Variants in NRP1 observed in about 807,000 individuals in gnomAD.
NRP1 encodes the protein neuropilin 1, also known as neuropilin-1.
In NRP1, 35 loss-of-function variants were observed where a neutral mutation model predicts 106.7. The ratio of observed to expected loss-of-function variants is 0.33; its 90% CI spans 0.25 to 0.43. The LOEUF (loss-of-function observed/expected upper bound fraction) is 0.43, where lower values mean the gene tolerates loss of function less well. Ranked by LOEUF, NRP1 falls within the 20% of genes least tolerant of loss-of-function variation. NRP1 has a pLI of 1.00. For missense variants in NRP1, 1,024 were observed against 1,170.4 expected, an observed-to-expected ratio of 0.87 and a Z score of 1.83; for synonymous variants, 437 against 417.9, an observed-to-expected ratio of 1.05 and a Z score of -0.56.
At chr10:33,252,117 AGGCACAAGT>A (rs1349004995) in intron 6 of NRP1, among the ~76,000 whole-genome samples, 1 of 152,186 alleles carries the variant, frequency 6.6e-6, no homozygotes, top group Non-Finnish European at 1.5e-5. Flanking sequence ...TGGGGGAAGA[AGGCACAAGT>A]GGCTGATCGT....
chr10:33,186,102 GAAACACTGGAA>G (rs1203263274), intron 14 of NRP1, 104 bp downstream of exon 14: 1 of 1,332,292 alleles, frequency 7.5e-7, no homozygotes, highest in Non-Finnish European at 1.0e-6. Flanking sequence ...TCAGGGTTGG[GAAACACTGGAA>G]ATAATTTCGG....
At chr10:33,304,800 C>T (rs1043965093) in intron 2 of NRP1, among the ~76,000 whole-genome samples, 6 of 152,228 alleles carry the variant, frequency 3.9e-5, no homozygotes, top group African/African-American at 2.4e-5. Flanking sequence ...CTGGCCACCC[C>T]TTGAAAGCTT....
At chr10:33,212,097 T>C (rs1231045006) in intron 9 of NRP1, 1 of 152,240 alleles carries the variant, frequency 6.6e-6, no homozygotes, top group Non-Finnish European at 1.5e-5. Context: ...GAGGTTGATT[T>C]GTTGGTTGAA....
chr10:33,269,713 C>A (rs749905446), intron 3 of NRP1, among the ~76,000 whole-genome samples: 1 of 152,132 alleles, frequency 6.6e-6, no homozygotes, highest in Non-Finnish European at 1.5e-5. Flanking sequence ...CTGGCACTAC[C>A]ACCTGAACTC....
intron 7 of NRP1, among the ~76,000 whole-genome samples, chr10:33,222,778 G>C (rs1028123903): frequency 1.3e-5 from 2 of 152,144 alleles, no homozygotes; most frequent in South Asian, 4.1e-4. Flanking sequence ...TCCTGCCTCC[G>C]TCTCCCAAAG....
At chr10:33,323,300 G>C (rs761335987) in intron 2 of NRP1, among the ~76,000 whole-genome samples, 2 of 151,838 alleles carry the variant, frequency 1.3e-5, no homozygotes, top group Non-Finnish European at 2.9e-5. Context: ...TTAAGTTAAA[G>C]AAGAAAAAAA....
intron 6 of NRP1, among the ~76,000 whole-genome samples, chr10:33,245,842 G>C (rs1841380046): frequency 6.6e-6 from 1 of 152,162 alleles, no homozygotes; most frequent in Non-Finnish European, 1.5e-5. Context: ...GTTTCAAATA[G>C]ACACTGGCAT....
At chr10:33,297,250 G>A (rs1845453833) in intron 2 of NRP1, among the ~76,000 whole-genome samples, 1 of 152,208 alleles carries the variant, frequency 6.6e-6, no homozygotes, top group South Asian at 2.1e-4. Context: ...GAACCTATGA[G>A]TTGGTAGTTT....
At chr10:33,316,780 A>G (rs1847071527) in intron 2 of NRP1, among the ~76,000 whole-genome samples, 2 of 152,244 alleles carry the variant, frequency 1.3e-5, no homozygotes, top group South Asian at 4.1e-4. Context: ...CAGGGCCAAG[A>G]AATGGCCAAT....
rs9299704 is a variant in NRP1, at chr10:33,188,910, AATATATAT to A, written c.2063-2430_2063-2423del. Among the ~76,000 whole-genome samples, 14 of 111,384 alleles carry A rather than the reference AATATATAT, an allele frequency of 1.3e-4. 1 individual carries two copies. The highest frequency in any genetic ancestry group is 3.2e-4 in the African/African-American group (8 of 24,716). The allele number at this position is 111,384 out of a possible 152,430, so 73.1% of individuals were successfully genotyped here. Reference sequence around the variant, plus strand: ...CCTAGGCAACAGAGACCCTGTCTTAAATATATATATATATATATATATATATAAATTAA... The same window carrying A: ...CCTAGGCAACAGAGACCCTGTCTTAAATATATATATATATATATAAATTAA... On this transcript the variant is annotated intron_variant, in intron 13 of 16. Transcript: ENST00000374867.
At chr10:33,296,303 G>T (rs1349168326) in intron 2 of NRP1, among the ~76,000 whole-genome samples, 2 of 152,144 alleles carry the variant, frequency 1.3e-5, no homozygotes. Flanking sequence ...AAGCCAGGTT[G>T]CCTCCCTAGT....
intron 2 of NRP1, among the ~76,000 whole-genome samples, chr10:33,327,393 A>G (rs1053771558): frequency 5.3e-5 from 8 of 152,168 alleles, no homozygotes; most frequent in Admixed American, 5.2e-4. Context: ...GCCAACAGAC[A>G]TATAATGAAG....
intron 13 of NRP1, among the ~76,000 whole-genome samples, chr10:33,189,486 C>G (rs532386523): frequency 6.6e-6 from 1 of 152,198 alleles, no homozygotes; most frequent in Non-Finnish European, 1.5e-5. Context: ...TGCTTCCCAA[C>G]CATGATCAGA....
intron 8 of NRP1, among the ~76,000 whole-genome samples, chr10:33,214,160 G>A (rs536911675): frequency 3.9e-5 from 6 of 152,252 alleles, no homozygotes; most frequent in South Asian, 2.1e-4. Context: ...TAAAGAGAAC[G>A]AATGCATACT....
At chr10:33,315,260 G>T (rs1002718249) in intron 2 of NRP1, among the ~76,000 whole-genome samples, 2 of 152,226 alleles carry the variant, frequency 1.3e-5, no homozygotes, top group African/African-American at 4.8e-5. Context: ...TTTAAAAATA[G>T]AGGTTTTTAG....
At chr10:33,327,939 T>C (rs1375031308) in intron 2 of NRP1, among the ~76,000 whole-genome samples, 1 of 152,140 alleles carries the variant, frequency 6.6e-6, no homozygotes, top group Admixed American at 6.5e-5. Flanking sequence ...TTTCCATGGA[T>C]CTAATCTCCA....
chr10:33,239,696 AGTG>A (rs1359636432), intron 6 of NRP1, among the ~76,000 whole-genome samples: 3 of 152,202 alleles, frequency 2.0e-5, no homozygotes, highest in Admixed American at 1.3e-4. Flanking sequence ...CTAACTTAAT[AGTG>A]GTTCTCTTCC....
chr10:33,298,488 A>G (rs1328645090), intron 2 of NRP1, among the ~76,000 whole-genome samples: 1 of 152,136 alleles, frequency 6.6e-6, no homozygotes, highest in Non-Finnish European at 1.5e-5. Flanking sequence ...AAGATCTCCA[A>G]CTGCTTTTCA....
chr10:33,228,937 A>C (rs1281076651), intron 6 of NRP1, among the ~76,000 whole-genome samples: 5 of 152,186 alleles, frequency 3.3e-5, no homozygotes, highest in African/African-American at 1.2e-4. Flanking sequence ...TGTTTACCAA[A>C]ATTTGCATTT....
Sources: allele counts gnomAD v4.1 joint callset (sites outside exome capture counted in the v4.1 genomes callset), GRCh38; gene constraint gnomAD v4.1.1; transcripts MANE v1.5; gene names NCBI Gene and HGNC (gene_info 2026-07-23, HGNC 2026-07-21).